Variants in MPHOSPH8 observed in about 807,000 individuals in gnomAD.
The protein encoded by MPHOSPH8 is M-phase phosphoprotein, mpp.
MPHOSPH8 carries 45 observed loss-of-function variants against 87.3 expected under a neutral mutation model. The ratio of observed to expected loss-of-function variants is 0.52; its 90% CI spans 0.41 to 0.66. The LOEUF is 0.66. Among genes scored for constraint, MPHOSPH8 ranks in the 30% least tolerant of loss-of-function variants. MPHOSPH8 has a pLI of 0.00. For synonymous variants in MPHOSPH8, 366 were observed against 376.9 expected (o/e 0.97, Z 0.33); for missense variants, 883 against 1,020.2 (o/e 0.87, Z 1.83).
chr13:19,658,016 A>G (rs1004374993), intron 5 of MPHOSPH8, among the ~76,000 whole-genome samples: 3 of 152,214 alleles, frequency 2.0e-5, no homozygotes, highest in Non-Finnish European at 2.9e-5. Context: ...ATTCATGTAA[A>G]TAAGTTAACA....
chr13:19,667,676 A>G (rs928999455), intron 10 of MPHOSPH8, among the ~76,000 whole-genome samples: 2 of 152,214 alleles, frequency 1.3e-5, no homozygotes, highest in Admixed American at 1.3e-4. Context: ...ATGTCTTGAT[A>G]GTGCATTTCT....
At chr13:19,667,748 TTC>T (rs1875894893) in intron 10 of MPHOSPH8, among the ~76,000 whole-genome samples, 1 of 152,262 alleles carries the variant, frequency 6.6e-6, no homozygotes, top group Non-Finnish European at 1.5e-5. Flanking sequence ...TTCAAGTTCA[TTC>T]TTTTTCAAAT....
chr13:19,664,872 G>A (rs971261329), intron 9 of MPHOSPH8, among the ~76,000 whole-genome samples: 2 of 152,104 alleles, frequency 1.3e-5, no homozygotes, highest in Non-Finnish European at 2.9e-5. Context: ...AACAGTGACC[G>A]TAGCCATAGG....
At chr13:19,670,095 C>A in intron 11 of MPHOSPH8, 141 bp from the exon 12 acceptor site, 1 of 944,358 alleles carries the variant, frequency 1.1e-6, no homozygotes, top group Non-Finnish European at 1.6e-6. Context: ...GAGGGCCAGC[C>A]TCCTCTGAGC....
intron 1 of MPHOSPH8, among the ~76,000 whole-genome samples, chr13:19,639,006 C>T (rs1874141529): frequency 1.3e-5 from 2 of 151,552 alleles, no homozygotes; most frequent in South Asian, 4.2e-4. Context: ...TTGCTTGAAC[C>T]CAGGAGGCAG....
chr13:19,642,020 T>C, intron 1 of MPHOSPH8, 95 bp from the exon 2 acceptor site: 1 of 1,101,882 alleles, frequency 9.1e-7, no homozygotes. Context: ...ATTTTCAAGT[T>C]CTTTCATGTC....
chr13:19,638,800 G>C (rs893991979), intron 1 of MPHOSPH8, among the ~76,000 whole-genome samples: 13 of 152,018 alleles, frequency 8.6e-5, no homozygotes, highest in African/African-American at 1.4e-4. Context: ...TTATTGCCTT[G>C]GTGGTGGTGT....
At chr13:19,640,526 T>C (rs1874229915) in intron 1 of MPHOSPH8, among the ~76,000 whole-genome samples, 1 of 151,960 alleles carries the variant, frequency 6.6e-6, no homozygotes, top group Admixed American at 6.6e-5. Flanking sequence ...TGTGTTTTAA[T>C]CTTTAAATGG....
chr13:19,667,892 G>T (rs1875903479), intron 10 of MPHOSPH8, among the ~76,000 whole-genome samples: 1 of 152,144 alleles, frequency 6.6e-6, no homozygotes, highest in African/African-American at 2.4e-5. Context: ...ACTCAAGGCG[G>T]TGTTTATGTA....
intron 7 of MPHOSPH8, 74 bp from the exon 8 acceptor site, chr13:19,661,624 C>T (rs946003626): frequency 6.2e-6 from 9 of 1,447,268 alleles, no homozygotes; most frequent in Non-Finnish European, 7.4e-6. Context: ...TGAAACATCT[C>T]GAGTGAGAAG....
intron 5 of MPHOSPH8, among the ~76,000 whole-genome samples, chr13:19,652,297 G>A (rs1472551833): frequency 1.3e-5 from 2 of 152,146 alleles, no homozygotes; most frequent in East Asian, 1.9e-4. Flanking sequence ...AAGCAGGGTC[G>A]GGCGTTGCCT....
intron 9 of MPHOSPH8, among the ~76,000 whole-genome samples, chr13:19,665,223 G>A (rs1305192705): frequency 6.6e-6 from 1 of 152,138 alleles, no homozygotes; most frequent in African/African-American, 2.4e-5. Context: ...TCTGCCATGA[G>A]GTTTATTTAA....
At chr13:19,667,248 C>T (rs993467766) in intron 10 of MPHOSPH8, among the ~76,000 whole-genome samples, 1 of 152,152 alleles carries the variant, frequency 6.6e-6, no homozygotes, top group Admixed American at 6.5e-5. Flanking sequence ...CTTTTAAGCA[C>T]AGCAAAGTTG....
In MPHOSPH8 at chr13:19,645,789, C is replaced by T. The variant is rs1004643598; in HGVS notation, c.370-654C>T. On this transcript the variant is annotated intron_variant, in intron 2 of 13. Coordinates refer to ENST00000361479, the MANE Select transcript of MPHOSPH8 (RefSeq NM_017520.4). The stretch of plus-strand genomic sequence containing the variant: ...TATCGTTTCCATCCCTTCTCTCTAC[C>T]CCCAAGTCATTTAGGATAAGGTGGT... Among the ~76,000 whole-genome samples the T allele has an allele frequency of 9.1e-4, 138 of 151,702 alleles. 1 individual carries two copies. The highest frequency in any genetic ancestry group is 3.2e-3 in the African/African-American group (134 of 41,408).
chr13:19,672,498 T>TA lies in MPHOSPH8; in HGVS notation c.*642dup, dbSNP rs58492348. On this transcript the variant is annotated 3_prime_UTR_variant, in exon 14 of 14. Coordinates refer to ENST00000361479, the MANE Select transcript of MPHOSPH8 (RefSeq NM_017520.4). ...ACTAGCCCTGGTGAACTTCTGTGCT[T>TA]AAAAAAAAAAAAAAAAAAAGGAAAA... 0.15 allele frequency: 19,576 copies of TA among 128,020 alleles called. 1,527 individuals are homozygous for TA. Among genetic ancestry groups the TA allele is most frequent in the African/African-American group, 0.21 (7,370 of 35,340 alleles). 7.9% of individuals were successfully genotyped at this position (128,020 alleles called of 1,614,324 possible).
intron 11 of MPHOSPH8, among the ~76,000 whole-genome samples, chr13:19,669,021 T>C (rs970392148): frequency 2.0e-5 from 3 of 152,204 alleles, no homozygotes; most frequent in Non-Finnish European, 2.9e-5. Context: ...CAGTGCAGTC[T>C]GCCGAGGGGA....
rs1303562092 is a variant in MPHOSPH8, at chr13:19,633,969, G to A, written c.213+8G>A. On this transcript the variant is annotated splice_region_variant and intron_variant, in intron 1 of 13. Transcript: ENST00000361479. ...GACATGAAGACCGAGGGGGTATGTG[G>A]AGGGGCCCCGGCGCGGGGCTGGGCG... 6.2e-7 allele frequency: 1 copy of A among 1,602,576 alleles called. No individual in the cohort carries two copies. The highest frequency in any genetic ancestry group is 1.7e-4 in the Middle Eastern group (1 of 6,054).
Position 19,672,134 on chromosome 13 carries a change from A to G in MPHOSPH8, c.*259A>G. ...AGTACATATGAGGATTATTTAAGAA[A>G]ATTAAAGACTTCACTTTCTTTTTTC... On this transcript the variant is annotated 3_prime_UTR_variant, in exon 14 of 14. Transcript: ENST00000361479. 2.4e-6 allele frequency: 1 copy of G among 421,004 alleles called. No homozygotes were observed. Among genetic ancestry groups the G allele is most frequent in the East Asian group, 3.6e-5 (1 of 28,158 alleles). 26.1% of individuals were successfully genotyped at this position (421,004 alleles called of 1,614,324 possible).
intron 5 of MPHOSPH8, among the ~76,000 whole-genome samples, chr13:19,654,475 A>G (rs1765727739): frequency 6.6e-6 from 1 of 152,104 alleles, no homozygotes; most frequent in South Asian, 2.1e-4. Context: ...TTATAGTAAT[A>G]AAAAAAAGAA....
Sources: gnomAD v4.1 joint callset for allele counts (sites outside exome capture counted in the v4.1 genomes callset) on GRCh38, gnomAD v4.1.1 for gene constraint, MANE v1.5 for transcripts, NCBI Gene and HGNC (gene_info 2026-07-23, HGNC 2026-07-21) for gene names.